MAML2: variants seen among roughly 807,000 people sequenced by gnomAD.
The protein encoded by MAML2 is mastermind-like protein 2.
A neutral mutation model predicts 96.1 loss-of-function variants in MAML2; 22 were observed. The ratio of observed to expected loss-of-function variants is 0.23; its 90% CI spans 0.16 to 0.33. The LOEUF is 0.33. MAML2 is among the 10% of genes least tolerant of loss of function. The probability of loss-of-function intolerance (pLI) is 1.00; values close to 1 mark genes in which losing one functional copy is unlikely to be tolerated. For synonymous variants in MAML2, 561 were observed against 521.3 expected (o/e 1.08, Z -1.04); for missense variants, 1,367 against 1,392.4 (o/e 0.98, Z 0.29).
chr11:96,299,054 A>AT (rs1484860694), intron 1 of MAML2, among the ~76,000 whole-genome samples: 2 of 36,186 alleles, frequency 5.5e-5, no homozygotes, highest in Non-Finnish European at 1.1e-4. Flanking sequence ...CAAAAAAAAA[A>AT]AAAAAAATAT....
intron 1 of MAML2, among the ~76,000 whole-genome samples, chr11:96,169,429 C>T (rs1014383888): frequency 6.6e-6 from 1 of 152,212 alleles, no homozygotes; most frequent in Non-Finnish European, 1.5e-5. Context: ...CTCCCAGGCC[C>T]TGGGGATGGG....
At chr11:96,128,911 G>A (rs1011510962) in intron 1 of MAML2, among the ~76,000 whole-genome samples, 2 of 152,154 alleles carry the variant, frequency 1.3e-5, no homozygotes, top group African/African-American at 4.8e-5. Context: ...GTCCAAAATT[G>A]TTATTTATAT....
intron 1 of MAML2, among the ~76,000 whole-genome samples, chr11:96,184,928 T>A (rs1861550196): frequency 6.6e-6 from 1 of 152,144 alleles, no homozygotes; most frequent in Non-Finnish European, 1.5e-5. Flanking sequence ...TAGGATTCGC[T>A]CTTGGGCACT....
At chr11:96,326,578 C>T (rs779980411) in intron 1 of MAML2, among the ~76,000 whole-genome samples, 1 of 151,850 alleles carries the variant, frequency 6.6e-6, no homozygotes, top group Non-Finnish European at 1.5e-5. Context: ...GGGTGGATCA[C>T]GAGGTCAGGA....
intron 1 of MAML2, among the ~76,000 whole-genome samples, chr11:96,305,461 A>G (rs971258206): frequency 5.3e-5 from 8 of 152,196 alleles, no homozygotes; most frequent in African/African-American, 1.9e-4. Context: ...AACTGGGAGT[A>G]TCTGGGAACT....
Position 96,248,017 on chromosome 11 carries a change from C to T in MAML2, c.513+93366G>A, listed in dbSNP as rs1862533163. On this transcript the variant is annotated intron_variant, in intron 1 of 4. Transcript: ENST00000524717. Reference sequence around the variant, plus strand: ...TACTGGATTTTGAAAATTAAATTTTCCCATTAATGGTTTTATATTCACTAC... The same window carrying T: ...TACTGGATTTTGAAAATTAAATTTTTCCATTAATGGTTTTATATTCACTAC... Among the ~76,000 whole-genome samples the T allele has an allele frequency of 2.0e-5, 3 of 151,974 alleles. No individual in the cohort carries two copies. The South Asian group carries it at 6.2e-4, about 32-fold the overall frequency.
intron 1 of MAML2, among the ~76,000 whole-genome samples, chr11:96,314,655 T>A (rs1488046854): frequency 6.9e-6 from 1 of 145,536 alleles, no homozygotes; most frequent in Non-Finnish European, 1.5e-5. Flanking sequence ...GCAGCTTAAC[T>A]TTTTTTCCCC....
At chr11:96,202,721 G>A (rs565478882) in intron 1 of MAML2, among the ~76,000 whole-genome samples, 19 of 151,608 alleles carry the variant, frequency 1.3e-4, no homozygotes, top group African/African-American at 2.4e-4. Flanking sequence ...TCCACCTCCC[G>A]GGTTCAAGCG....
In MAML2 at chr11:96,065,771, G is replaced by C. The variant is rs117962708; in HGVS notation, c.2139+26121C>G. On this transcript the variant is annotated intron_variant, in intron 2 of 4. Transcript: ENST00000524717. ...GATGACGGTCACACAGCTAGGAATT[G>C]ACAAAGCCAGGATTTGAACCAGAGC... is the stretch of plus-strand genomic sequence containing the variant. Among the ~76,000 whole-genome samples the C allele has an allele frequency of 5.5e-3, 835 of 152,286 alleles. 8 individuals carry two copies. Among genetic ancestry groups the C allele is most frequent in the Non-Finnish European group, 8.8e-3 (597 of 68,024 alleles).
At chr11:96,002,434 C>A (rs1454052712) in intron 2 of MAML2, among the ~76,000 whole-genome samples, 1 of 152,084 alleles carries the variant, frequency 6.6e-6, no homozygotes, top group Non-Finnish European at 1.5e-5. Context: ...GGTGTGCCAC[C>A]TTAGAAGGAC....
At chr11:96,208,751 G>T (rs1475713634) in intron 1 of MAML2, among the ~76,000 whole-genome samples, 8 of 152,018 alleles carry the variant, frequency 5.3e-5, no homozygotes, top group Non-Finnish European at 1.0e-4. Context: ...AACTCAGAAG[G>T]TCAATTATTA....
chr11:96,206,070 ACT>A (rs1385115512), intron 1 of MAML2, among the ~76,000 whole-genome samples: 2 of 144,574 alleles, frequency 1.4e-5, no homozygotes, highest in Non-Finnish European at 3.0e-5. Context: ...GTTTTGATTG[ACT>A]CTTTTTTTTT....
intron 2 of MAML2, among the ~76,000 whole-genome samples, chr11:96,086,211 A>C (rs186909909): frequency 3.9e-5 from 6 of 152,306 alleles, no homozygotes; most frequent in Admixed American, 1.3e-4. Flanking sequence ...GGGGTCATTT[A>C]ATCTTTTAAT....
At chr11:96,122,990 T>C (rs987540527) in intron 1 of MAML2, among the ~76,000 whole-genome samples, 2 of 152,252 alleles carry the variant, frequency 1.3e-5, no homozygotes, top group Non-Finnish European at 2.9e-5. Context: ...AGTTGACTCA[T>C]GGGCTGGCTG....
rs1221475235 is a variant in MAML2, at chr11:96,183,179, G to A, written c.514-89662C>T. On this transcript the variant is annotated intron_variant, in intron 1 of 4. Transcript: ENST00000524717. Reference sequence around the variant, plus strand: ...ACATCATGTTGGCCAGGCTGGTTTTGAACTCCTCACCTCAAGTGATCCACC... The same window carrying A: ...ACATCATGTTGGCCAGGCTGGTTTTAAACTCCTCACCTCAAGTGATCCACC... 3.3e-5 allele frequency among the ~76,000 whole-genome samples: 5 copies of A among 151,904 alleles called. No individual in the cohort carries two copies. The East Asian group carries it at 9.7e-4, about 29-fold the overall frequency.
intron 1 of MAML2, among the ~76,000 whole-genome samples, chr11:96,153,087 T>C (rs1860949469): frequency 6.6e-6 from 1 of 152,208 alleles, no homozygotes; most frequent in African/African-American, 2.4e-5. Context: ...ATCTTCTTTT[T>C]TCATACTTAA....
intron 1 of MAML2, among the ~76,000 whole-genome samples, chr11:96,119,741 C>A (rs1056858025): frequency 2.6e-5 from 4 of 152,108 alleles, no homozygotes; most frequent in Admixed American, 2.6e-4. Context: ...TTAACTATTC[C>A]TTCCCCACAC....
intron 2 of MAML2, among the ~76,000 whole-genome samples, chr11:96,077,519 C>T (rs1048890661): frequency 8.5e-5 from 13 of 152,194 alleles, no homozygotes; most frequent in Admixed American, 7.2e-4. Flanking sequence ...CCGCAACTGG[C>T]CTACCCCATC....
intron 2 of MAML2, among the ~76,000 whole-genome samples, chr11:96,073,176 C>A (rs1859374060): frequency 6.6e-6 from 1 of 152,128 alleles, no homozygotes. Flanking sequence ...TGCTGTAAAT[C>A]TTTTACTTGT....
Sources: allele counts gnomAD v4.1 joint callset (sites outside exome capture counted in the v4.1 genomes callset), GRCh38; gene constraint gnomAD v4.1.1; transcripts MANE v1.5; gene names NCBI Gene and HGNC (gene_info 2026-07-23, HGNC 2026-07-21).